Variants in CNTN5 observed in about 807,000 individuals in gnomAD.
The protein encoded by CNTN5 is contactin-5.
In CNTN5, 77 loss-of-function variants were observed where a neutral mutation model predicts 129.1. The observed-to-expected ratio is 0.60, with a 90% CI of 0.50 to 0.72. The LOEUF (loss-of-function observed/expected upper bound fraction) is 0.72. Ranked by LOEUF, CNTN5 falls within the 30% of genes least tolerant of loss-of-function variation. CNTN5 has a pLI of 0.00. For synonymous variants in CNTN5, 509 were observed against 465.6 expected, an observed-to-expected ratio of 1.09 and a Z score of -1.20; for missense variants, 1,478 against 1,328.8, an observed-to-expected ratio of 1.11 and a Z score of -1.75.
chr11:100,291,356 C>T (rs1565405458), intron 18 of CNTN5, among the ~76,000 whole-genome samples: 1 of 151,500 alleles, frequency 6.6e-6, no homozygotes, highest in Non-Finnish European at 1.5e-5. Context: ...TTGGAACCAA[C>T]CCAAATGTCC....
chr11:99,622,091 T>C (rs1379867787), intron 3 of CNTN5, among the ~76,000 whole-genome samples: 1 of 152,212 alleles, frequency 6.6e-6, no homozygotes, highest in Non-Finnish European at 1.5e-5. Context: ...AGGCAGCCAT[T>C]GAGCACATCT....
At chr11:99,556,356 A>T in intron 3 of CNTN5, 87 bp downstream of exon 3, 1 of 810,596 alleles carries the variant, frequency 1.2e-6, no homozygotes. Context: ...AAATATCCTC[A>T]GGTATTAATT....
At chr11:99,245,229 A>G (rs538990696) in intron 1 of CNTN5, among the ~76,000 whole-genome samples, 2 of 152,318 alleles carry the variant, frequency 1.3e-5, no homozygotes, top group South Asian at 4.1e-4. Flanking sequence ...GTACAAAAGT[A>G]AGTAATACCT....
At chr11:100,334,764 T>G (rs186881411) in intron 21 of CNTN5, among the ~76,000 whole-genome samples, 2 of 152,162 alleles carry the variant, frequency 1.3e-5, no homozygotes, top group East Asian at 1.9e-4. Flanking sequence ...ATGTTAGACT[T>G]TGGGGATTCA....
intron 13 of CNTN5, among the ~76,000 whole-genome samples, chr11:100,152,004 C>A (rs985594635): frequency 1.3e-5 from 2 of 152,128 alleles, no homozygotes; most frequent in African/African-American, 4.8e-5. Flanking sequence ...AACTCTTAAC[C>A]TTTCACAATA....
At position 99,910,787 on chromosome 11, in the gene CNTN5, A is replaced by AT. The variant is rs549070976; in HGVS notation, c.578-5264dup. ...TTTCTCTCTTTTCTCTTTTCTAAAC[A>AT]TTTAGAAGGTCAAAAATAGTTTGTG... On this transcript the variant is annotated intron_variant, in intron 6 of 24. Coordinates refer to ENST00000524871, the MANE Select transcript of CNTN5 (RefSeq NM_014361.4). Among the ~76,000 whole-genome samples the AT allele has an allele frequency of 3.6e-3, 549 of 152,128 alleles. 6 individuals are homozygous for AT. Among genetic ancestry groups the AT allele is most frequent in the African/African-American group, 0.012 (491 of 41,528 alleles).
intron 1 of CNTN5, among the ~76,000 whole-genome samples, chr11:99,285,521 A>T (rs1199354130): frequency 6.6e-6 from 1 of 152,056 alleles, no homozygotes; most frequent in Non-Finnish European, 1.5e-5. Context: ...GATTCAGTAA[A>T]GAAGTCCTTG....
chr11:99,683,837 ATTATATAT>A (rs968268511), intron 3 of CNTN5, among the ~76,000 whole-genome samples: 11 of 151,740 alleles, frequency 7.2e-5, no homozygotes, highest in African/African-American at 2.2e-4. Flanking sequence ...AATTTTAAAA[ATTATATAT>A]TTATGGTGTA....
Position 100,032,188 on chromosome 11 carries a change from G to A in CNTN5, c.981-29024G>A, listed in dbSNP as rs79666250. 2.9e-3 allele frequency among the ~76,000 whole-genome samples: 440 copies of A among 152,214 alleles called. 21 individuals are homozygous for A. In the East Asian group the frequency reaches 0.078, roughly 27 times the overall value. On this transcript the variant is annotated intron_variant, in intron 9 of 24. Transcript: ENST00000524871. Reference sequence around the variant, plus strand: ...TTTGGCCCATGAAGATTCTGAGAAGGCAGTCATTCTGAGAGTATCACTATG... The same window carrying A: ...TTTGGCCCATGAAGATTCTGAGAAGACAGTCATTCTGAGAGTATCACTATG...
chr11:99,619,688 A>T (rs1950869298), intron 3 of CNTN5, among the ~76,000 whole-genome samples: 1 of 152,114 alleles, frequency 6.6e-6, no homozygotes, highest in African/African-American at 2.4e-5. Flanking sequence ...GTGAGTCTTA[A>T]AGATTAAAAA....
At chr11:99,714,308 C>T (rs1429236948) in intron 3 of CNTN5, among the ~76,000 whole-genome samples, 2 of 151,736 alleles carry the variant, frequency 1.3e-5, no homozygotes, top group Non-Finnish European at 2.9e-5. Flanking sequence ...ATATACATCC[C>T]AGAAAAAATG....
chr11:99,837,605 G>C (rs971005081), intron 4 of CNTN5, among the ~76,000 whole-genome samples: 3 of 149,662 alleles, frequency 2.0e-5, no homozygotes, highest in Non-Finnish European at 4.4e-5. Context: ...ACCTAAAAAA[G>C]GCCAAGAAAG....
intron 2 of CNTN5, among the ~76,000 whole-genome samples, chr11:99,474,358 A>G (rs184746574): frequency 1.3e-5 from 2 of 152,130 alleles, no homozygotes; most frequent in East Asian, 3.9e-4. Context: ...TGAAATCCTA[A>G]CTTTACATTT....
At chr11:99,277,409 A>T (rs905854123) in intron 1 of CNTN5, among the ~76,000 whole-genome samples, 3 of 151,562 alleles carry the variant, frequency 2.0e-5, no homozygotes, top group African/African-American at 7.3e-5. Flanking sequence ...TTGGCAACTC[A>T]TGCACTCACA....
At position 99,148,538 on chromosome 11, in the gene CNTN5, A is replaced by G. The variant is rs1173788498; in HGVS notation, c.-210+127268A>G. On this transcript the variant is annotated intron_variant, in intron 1 of 24. Transcript: ENST00000524871. ...TGCCTTATTTGGGCATGGTATGGTA[A>G]TGAATATGCCTTATGTGAAAATGAT... Among the ~76,000 whole-genome samples, 3 of 152,250 alleles carry G rather than the reference A, an allele frequency of 2.0e-5. No individual in the cohort carries two copies. The East Asian group carries it at 5.8e-4, about 29-fold the overall frequency.
intron 2 of CNTN5, among the ~76,000 whole-genome samples, chr11:99,489,846 G>A (rs1335543084): frequency 1.3e-5 from 2 of 152,016 alleles, no homozygotes; most frequent in African/African-American, 2.4e-5. Flanking sequence ...AAGTGAGAGG[G>A]AAAGACAGAC....
At chr11:99,651,006 G>T (rs920633249) in intron 3 of CNTN5, among the ~76,000 whole-genome samples, 10 of 151,914 alleles carry the variant, frequency 6.6e-5, no homozygotes, top group African/African-American at 9.7e-5. Context: ...AAGAATAAGA[G>T]AAATTGTCTC....
chr11:99,789,722 A>T (rs1269136318), intron 3 of CNTN5, among the ~76,000 whole-genome samples: 1 of 152,040 alleles, frequency 6.6e-6, no homozygotes, highest in Non-Finnish European at 1.5e-5. Flanking sequence ...CCATGAAGTT[A>T]TCTCCTTAAC....
chr11:100,018,372 T>A (rs1172313581), intron 9 of CNTN5, among the ~76,000 whole-genome samples: 1 of 151,990 alleles, frequency 6.6e-6, no homozygotes, highest in Non-Finnish European at 1.5e-5. Flanking sequence ...ATAGACTACG[T>A]TACCTTTTCT....
Sources: allele counts gnomAD v4.1 joint callset (sites outside exome capture counted in the v4.1 genomes callset), GRCh38; gene constraint gnomAD v4.1.1; transcripts MANE v1.5; gene names NCBI Gene and HGNC (gene_info 2026-07-23, HGNC 2026-07-21).